CPAMD8: variants seen among roughly 807,000 people sequenced by gnomAD.
The protein encoded by CPAMD8 is C3 and PZP like alpha-2-macroglobulin domain containing 8, also known as C3 and PZP-like alpha-2-macroglobulin domain-containing protein 8.
In CPAMD8, 146 loss-of-function variants were observed where a neutral mutation model predicts 224.7. The observed-to-expected ratio is 0.65, with a 90% CI of 0.57 to 0.75. The LOEUF is 0.75. Ranked by LOEUF, CPAMD8 falls within the 30% of genes least tolerant of loss-of-function variation. The probability of loss-of-function intolerance (pLI) is 0.00; values close to 1 mark genes in which losing one functional copy is unlikely to be tolerated. For missense variants in CPAMD8, 2,301 were observed against 2,537.5 expected (o/e 0.91, Z 2.00); for synonymous variants, 966 against 1,044.6 (o/e 0.92, Z 1.45).
intron 6 of CPAMD8, 38 bp downstream of exon 6, chr19:17,009,265 C>T (rs2056582550): frequency 6.2e-7 from 1 of 1,613,762 alleles, no homozygotes; most frequent in African/African-American, 1.3e-5. Flanking sequence ...GCTACCCGGG[C>T]CCCAAGTCCA....
At chr19:16,946,784 C>G (rs8112856) in intron 21 of CPAMD8, among the ~76,000 whole-genome samples, 1 of 149,564 alleles carries the variant, frequency 6.7e-6, no homozygotes, top group Non-Finnish European at 1.5e-5. Flanking sequence ...CACATGTGGG[C>G]GTGTGTGTGG....
chr19:16,903,617 T>C lies in CPAMD8; in HGVS notation c.4414A>G (p.Ser1472Gly). ...QKVLQTAAIP[S>G]LPTGLFVSAK... ...CTCACAAACAGCCCCGTGGGGAGGC[T>C]GGGGATCTGGAGACAGAAGTCACCG... is the stretch of plus-strand genomic sequence containing the variant. The change falls in exon 34 of 42, where the codon AGC becomes GGC. Residue 1472 changes from serine (S) to glycine (G), a missense_variant. By Grantham distance (56) the Ser-to-Gly change is moderately conservative. Coordinates refer to ENST00000443236, the MANE Select transcript of CPAMD8 (RefSeq NM_015692.5). 1 of 1,614,058 alleles carries C rather than the reference T, an allele frequency of 6.2e-7. No individual in the cohort carries two copies. Among genetic ancestry groups the C allele is most frequent in the Non-Finnish European group, 8.5e-7 (1 of 1,179,992 alleles).
chr19:17,011,375 G>A (rs914301826), intron 5 of CPAMD8, 89 bp downstream of exon 5: 5 of 1,380,096 alleles, frequency 3.6e-6, no homozygotes, highest in Non-Finnish European at 5.1e-6. Flanking sequence ...AGAAGTTCTG[G>A]AGAGAAAGAC....
At chr19:16,982,632 CA>C (rs976471152) in intron 13 of CPAMD8, among the ~76,000 whole-genome samples, 2 of 151,858 alleles carry the variant, frequency 1.3e-5, no homozygotes, top group African/African-American at 4.8e-5. Flanking sequence ...TTCAGGAGTT[CA>C]AGACCAGCCT....
intron 3 of CPAMD8, among the ~76,000 whole-genome samples, chr19:17,012,835 A>G (rs1466413920): frequency 6.6e-6 from 1 of 152,220 alleles, no homozygotes; most frequent in Non-Finnish European, 1.5e-5. Flanking sequence ...ATACATATGT[A>G]CATGTCCAGA....
chr19:16,990,935 T>C (rs1463703185), intron 12 of CPAMD8, among the ~76,000 whole-genome samples: 6 of 142,114 alleles, frequency 4.2e-5, no homozygotes, highest in Non-Finnish European at 7.5e-5. Context: ...GTAGGTAGAC[T>C]CTAAATAGGG....
chr19:17,024,485 T>C (rs951958513), intron 1 of CPAMD8, among the ~76,000 whole-genome samples: 3 of 152,236 alleles, frequency 2.0e-5, no homozygotes, highest in Non-Finnish European at 4.4e-5. Flanking sequence ...TCTGTCTGGC[T>C]CCCAGCTGAT....
At chr19:16,943,317 G>A (rs945330239) in intron 22 of CPAMD8, among the ~76,000 whole-genome samples, 3 of 152,102 alleles carry the variant, frequency 2.0e-5, no homozygotes, top group Non-Finnish European at 4.4e-5. Flanking sequence ...TGCCCGGCCT[G>A]TGTCTGTCTT....
At chr19:16,936,688 T>G (rs1242123118) in intron 23 of CPAMD8, among the ~76,000 whole-genome samples, 2 of 152,174 alleles carry the variant, frequency 1.3e-5, no homozygotes, top group African/African-American at 4.8e-5. Context: ...ATTACAGGTG[T>G]GAGCCACCAC....
At chr19:16,916,959 C>A (rs139619156) in intron 27 of CPAMD8, among the ~76,000 whole-genome samples, 1 of 152,018 alleles carries the variant, frequency 6.6e-6, no homozygotes, top group African/African-American at 2.4e-5. Context: ...ATTTTGGGCA[C>A]GGCAGGGAAA....
intron 27 of CPAMD8, among the ~76,000 whole-genome samples, chr19:16,916,360 TGAGTAGCTGGGATTACAGCCTCCC>T (rs1049544801): frequency 6.6e-6 from 1 of 151,872 alleles, no homozygotes; most frequent in Non-Finnish European, 1.5e-5. Context: ...CTCAGCCTCC[TGAGTAGCTGGGATTACAGCCTCCC>T]GAGTAGCTGG....
chr19:16,896,443 G>A lies in CPAMD8; in HGVS notation c.5275+13C>T, dbSNP rs766458485. 15 of 1,461,508 alleles carry A rather than the reference G, an allele frequency of 1.0e-5. No individual in the cohort carries two copies. Among genetic ancestry groups the A allele is most frequent in the Non-Finnish European group, 1.3e-5 (14 of 1,110,948 alleles). The allele number at this position is 1,461,508 out of a possible 1,614,324, so 90.5% of individuals were successfully genotyped here. A position where few individuals can be genotyped will look rare whatever the true frequency, so the allele number is the denominator to read the frequency against. ...TGGTGTCCCCGAGGCTAGGCGGGGG[G>A]TAGGGTCCTCACCGAGGGCGCAGCA... On this transcript the variant is annotated intron_variant, in intron 40 of 41. Transcript: ENST00000443236.
At chr19:16,923,445 G>C (rs577004990) in intron 26 of CPAMD8, among the ~76,000 whole-genome samples, 8 of 152,326 alleles carry the variant, frequency 5.3e-5, no homozygotes, top group Admixed American at 2.0e-4. Context: ...TGTGTGGTCT[G>C]AGCCTCAGGA....
At chr19:16,893,411 C>A (rs1310455746) in intron 41 of CPAMD8, 72 bp from the exon 42 acceptor site, 3 of 1,060,282 alleles carry the variant, frequency 2.8e-6, no homozygotes, top group Non-Finnish European at 4.0e-6. Flanking sequence ...GAGGAAGGAG[C>A]CACAGGGCCT....
chr19:16,896,656 G>A lies in CPAMD8; in HGVS notation c.5075C>T (p.Pro1692Leu), dbSNP rs1029024028. ...GGCCACGGCAGGGCCCGACTCGCCGGGGAACCAGCCTGGGGGACGAGGCAG... is the reference window on the plus strand; with the variant it reads ...GGCCACGGCAGGGCCCGACTCGCCGAGGAACCAGCCTGGGGGACGAGGCAG... The part of the protein sequence containing the change: ...RAPARGPGWF[P>L]GESGPAVAPE... Residue 1692 changes from proline to leucine, a missense_variant, in exon 40 of 42, where the codon CCC becomes CTC. By Grantham distance (98) the Pro-to-Leu change is moderately conservative. Transcript: ENST00000443236. 2.7e-6 allele frequency: 4 copies of A among 1,463,466 alleles called. No individual in the cohort carries two copies. The African/African-American group carries it at 4.3e-5, about 16-fold the overall frequency. 90.7% of individuals were successfully genotyped at this position (1,463,466 alleles called of 1,614,324 possible).
chr19:16,932,832 T>C (rs1458137172), intron 23 of CPAMD8, among the ~76,000 whole-genome samples: 1 of 152,212 alleles, frequency 6.6e-6, no homozygotes. Flanking sequence ...GGCATCCAGA[T>C]ACAGGAAGCT....
At chr19:16,957,203 C>T (rs368443430) in intron 19 of CPAMD8, among the ~76,000 whole-genome samples, 41 of 152,300 alleles carry the variant, frequency 2.7e-4, no homozygotes, top group African/African-American at 9.6e-4. Flanking sequence ...CTCTGCCAAG[C>T]ACTTGCCACA....
chr19:16,947,231 C>G lies in CPAMD8; in HGVS notation c.2509-4G>C. The G allele has an allele frequency of 6.2e-7, 1 of 1,608,288 alleles. No individual in the cohort carries two copies. ...GAACCGAGAGCTTCATGTACACCTG[C>G]AGAGGGTGGCATTGGCTCATGGCGC... is the stretch of plus-strand genomic sequence containing the variant. On this transcript the variant is annotated splice_region_variant and splice_polypyrimidine_tract_variant and intron_variant, in intron 20 of 41. Transcript: ENST00000443236.
intron 29 of CPAMD8, among the ~76,000 whole-genome samples, chr19:16,910,010 C>T (rs2052663779): frequency 6.6e-6 from 1 of 150,634 alleles, no homozygotes; most frequent in Admixed American, 6.6e-5. Context: ...TGCCATGGTG[C>T]CTGGCTGATT....
Sources: gnomAD v4.1 joint callset for allele counts (sites outside exome capture counted in the v4.1 genomes callset) on GRCh38, gnomAD v4.1.1 for gene constraint, MANE v1.5 for transcripts, NCBI Gene and HGNC (gene_info 2026-07-23, HGNC 2026-07-21) for gene names.